GAL3ST1: variants seen among roughly 807,000 people sequenced by gnomAD.
The protein encoded by GAL3ST1 is galactose-3-O-sulfotransferase 1.
In GAL3ST1, 13 loss-of-function variants were observed where a neutral mutation model predicts 25.0. The observed-to-expected ratio is 0.52, with a 90% CI of 0.34 to 0.83. GAL3ST1 has a LOEUF of 0.83. Ranked by LOEUF, GAL3ST1 falls within the 40% of genes least tolerant of loss-of-function variation. The probability of loss-of-function intolerance (pLI) is 0.02; values close to 1 mark genes in which losing one functional copy is unlikely to be tolerated. For missense variants in GAL3ST1, 474 were observed against 613.6 expected (o/e 0.77, Z 2.40); for synonymous variants, 274 against 277.8 (o/e 0.99, Z 0.14).
chr22:30,570,192 G>A (rs2086738338), intron 1 of GAL3ST1, among the ~76,000 whole-genome samples: 1 of 152,240 alleles, frequency 6.6e-6, no homozygotes, highest in Admixed American at 6.5e-5. Flanking sequence ...AGGTGGTGGG[G>A]TGAGGTATCC....
intron 1 of GAL3ST1, among the ~76,000 whole-genome samples, chr22:30,569,910 C>T (rs1173022382): frequency 6.6e-6 from 1 of 152,148 alleles, no homozygotes; most frequent in Non-Finnish European, 1.5e-5. Flanking sequence ...CAGTGAGACC[C>T]CATCTGTATA....
At chr22:30,567,865 TAG>T (rs66493332) in intron 1 of GAL3ST1, among the ~76,000 whole-genome samples, 1,586 of 152,128 alleles carry the variant, frequency 0.01, 28 homozygotes, top group African/African-American at 0.035. Context: ...GTATTTTTAG[TAG>T]AGACAGGGTT....
intron 3 of GAL3ST1, 29 bp downstream of exon 3, chr22:30,557,233 C>A: frequency 6.2e-7 from 1 of 1,612,830 alleles, no homozygotes; most frequent in Non-Finnish European, 8.5e-7. Context: ...CCCACCTACA[C>A]CCATCATCTG....
chr22:30,570,452 G>C (rs2086747170), intron 1 of GAL3ST1, among the ~76,000 whole-genome samples: 1 of 152,190 alleles, frequency 6.6e-6, no homozygotes, highest in African/African-American at 2.4e-5. Flanking sequence ...TGCTCACAGA[G>C]CCTTTACCCC....
chr22:30,554,905 C>A lies in GAL3ST1; in HGVS notation c.*48G>T. 3 of 1,421,310 alleles carry A rather than the reference C, an allele frequency of 2.1e-6. No homozygotes were observed. The highest frequency in any genetic ancestry group is 2.4e-5 in the East Asian group (1 of 42,504). The allele number at this position is 1,421,310 out of a possible 1,614,324, so 88.0% of individuals were successfully genotyped here. ...CAGCACCAGCGGCGTCCTGCTCAGC[C>A]CCTCTGCAGGGAGCGAGCAGGCAGG... On this transcript the variant is annotated 3_prime_UTR_variant, in exon 4 of 4. Coordinates refer to ENST00000406361, the MANE Select transcript of GAL3ST1 (RefSeq NM_001318104.2).
rs1018106269 is a variant in GAL3ST1, at chr22:30,554,824, G to A, written c.*129C>T. The A allele has an allele frequency of 3.1e-5, 21 of 673,480 alleles. No homozygotes were observed. The highest frequency in any genetic ancestry group is 4.3e-5 in the Non-Finnish European group (18 of 419,230). 41.7% of individuals were successfully genotyped at this position (673,480 alleles called of 1,614,324 possible). ...GTCTTGGCTGGCTGCCTCCCCCCAG[G>A]GAGCCCCCCCTCACCCCGGGGTCTG... On this transcript the variant is annotated 3_prime_UTR_variant, in exon 4 of 4. Coordinates refer to ENST00000406361, the MANE Select transcript of GAL3ST1 (RefSeq NM_001318104.2).
At chr22:30,573,373 G>C (rs1258555174) in intron 1 of GAL3ST1, among the ~76,000 whole-genome samples, 1 of 152,206 alleles carries the variant, frequency 6.6e-6, no homozygotes, top group East Asian at 1.9e-4. Context: ...ACAAGTCATT[G>C]AATTTCCCTG....
rs180785924 is a variant in GAL3ST1, at chr22:30,557,014, C to T, written c.131+248G>A. 2.9e-3 allele frequency among the ~76,000 whole-genome samples: 436 copies of T among 152,338 alleles called. 1 individual carries two copies. The highest frequency in any genetic ancestry group is 0.01 in the Middle Eastern group (3 of 294). On this transcript the variant is annotated intron_variant, in intron 3 of 3. Coordinates refer to ENST00000406361, the MANE Select transcript of GAL3ST1 (RefSeq NM_001318104.2). Reference sequence around the variant, plus strand: ...CCTCCCAAAGTGCTAGGATTACAGGCGTGAGTTGCCGTGCCCAGCCGAAAG... The same window carrying T: ...CCTCCCAAAGTGCTAGGATTACAGGTGTGAGTTGCCGTGCCCAGCCGAAAG...
At chr22:30,571,029 G>A (rs1002401186) in intron 1 of GAL3ST1, among the ~76,000 whole-genome samples, 2 of 150,394 alleles carry the variant, frequency 1.3e-5, no homozygotes, top group Non-Finnish European at 2.9e-5. Context: ...TTACAAAACA[G>A]CTTATATTAC....
chr22:30,572,729 A>AC (rs1418201091), intron 1 of GAL3ST1: 3 of 152,264 alleles, frequency 2.0e-5, no homozygotes, highest in Non-Finnish European at 4.4e-5. Context: ...CCCCATGGGC[A>AC]CCTGTGTTCC....
Position 30,555,060 on chromosome 22 carries a change from G to A in GAL3ST1, c.1165C>T (p.Leu389Phe). Reference protein sequence around the residue: ...KKSIGQRHAQLCRRMLTPEIQ... With the variant: ...KKSIGQRHAQFCRRMLTPEIQ... ...TCGGGCGTGAGCATGCGCCGGCAGA[G>A]CTGCGCGTGCCGCTGCCCGATGCTC... Residue 389 changes from leucine to phenylalanine, a missense_variant, in exon 4 of 4, where the codon CTC becomes TTC. Leu to Phe is a conservative substitution (Grantham distance 22, BLOSUM62 0). This residue lies in a region of GAL3ST1 where 359 missense variants were observed against 504.4 expected (regional missense o/e 0.71). Transcript: ENST00000406361. The surrounding 1 kb of genome is among the most constrained non-coding windows in gnomAD (Gnocchi z 8.6). 6.2e-7 allele frequency: 1 copy of A among 1,612,442 alleles called. No homozygotes were observed. The highest frequency in any genetic ancestry group is 1.1e-5 in the South Asian group (1 of 91,058).
rs1373365239 is a variant in GAL3ST1 at position 30,555,339 on chromosome 22, G to A, written c.886C>T (p.Arg296Cys). Residue 296 changes from arginine to cysteine, a missense_variant, in exon 4 of 4, where the codon CGC (arginine) becomes TGC (cysteine). By Grantham distance (180) the Arg-to-Cys change is radical (BLOSUM62 -3). Around this residue, in one of 2 missense-constraint regions of GAL3ST1, gnomAD observed 359 missense variants for 504.4 expected, o/e 0.71. Coordinates refer to ENST00000406361, the MANE Select transcript of GAL3ST1 (RefSeq NM_001318104.2). The surrounding 1 kb of genome is among the most constrained non-coding windows in gnomAD (Gnocchi z 8.6). ...TCCAGCATGTTCCAGGCGGTGGCGCGCCCATACAGCTCCCCCGAGAGCCGC... is the reference window on the plus strand; with the variant it reads ...TCCAGCATGTTCCAGGCGGTGGCGCACCCATACAGCTCCCCCGAGAGCCGC... Reference protein sequence around the residue: ...VPRLSGELYGRATAWNMLDSH... With the variant: ...VPRLSGELYGCATAWNMLDSH... The A allele has an allele frequency of 2.5e-6, 4 of 1,607,242 alleles. No homozygotes were observed. Among genetic ancestry groups the A allele is most frequent in the South Asian group, 2.2e-5 (2 of 91,000 alleles).
In GAL3ST1 at chr22:30,555,215, G is replaced by A; in HGVS notation, c.1010C>T (p.Ala337Val). ...MAREVAALRH[A>V]NERMRTICID... Reference sequence around the variant, plus strand: ...GCAGATGGTCCGCATGCGCTCGTTGGCATGGCGCAGGGCGGCCACCTCGCG... The same window carrying A: ...GCAGATGGTCCGCATGCGCTCGTTGACATGGCGCAGGGCGGCCACCTCGCG... The change falls in exon 4 of 4, where the codon GCC becomes GTC. Residue 337 changes from alanine to valine, a missense_variant. Ala to Val is a moderately conservative substitution (Grantham distance 64, BLOSUM62 0). Around this residue, in one of 2 missense-constraint regions of GAL3ST1, gnomAD observed 359 missense variants for 504.4 expected, o/e 0.71. Transcript: ENST00000406361. This position sits in a 1 kb window ranked among gnomAD's most constrained non-coding sequence, Gnocchi z 8.6. 1 of 1,598,822 alleles carries A rather than the reference G, an allele frequency of 6.3e-7. No individual in the cohort carries two copies.
At position 30,554,964 on chromosome 22, in the gene GAL3ST1, G is replaced by T. The variant is rs2085900064; in HGVS notation, c.1261C>A (p.Leu421Met). 6.3e-7 allele frequency: 1 copy of T among 1,575,564 alleles called. No individual in the cohort carries two copies. Among genetic ancestry groups the T allele is most frequent in the African/African-American group, 1.3e-5 (1 of 74,302 alleles). The change falls in exon 4 of 4, where the codon CTG (leucine) becomes ATG (methionine). Residue 421 changes from leucine (L) to methionine (M), a missense_variant. Coordinates refer to ENST00000406361, the MANE Select transcript of GAL3ST1 (RefSeq NM_001318104.2). ...TGGGCGGTGGGACGTCACCACCGCAGGAAATCGCGAATGAACTTCCAGAGC... is the reference window on the plus strand; with the variant it reads ...TGGGCGGTGGGACGTCACCACCGCATGAAATCGCGAATGAACTTCCAGAGC... The part of the protein sequence containing the change: ...TKLWKFIRDF[L>M]RW
intron 1 of GAL3ST1, among the ~76,000 whole-genome samples, chr22:30,567,622 C>T (rs1569010466): frequency 6.6e-6 from 1 of 151,864 alleles, no homozygotes; most frequent in Non-Finnish European, 1.5e-5. Flanking sequence ...TTGCTTTTTT[C>T]CCACCTATCG....
chr22:30,559,944 A>G (rs563220341), intron 1 of GAL3ST1, among the ~76,000 whole-genome samples: 1 of 152,354 alleles, frequency 6.6e-6, no homozygotes, highest in African/African-American at 2.4e-5. Context: ...ACATGTGCTA[A>G]TAACTACATG....
chr22:30,570,995 C>CACAT (rs1228020320), intron 1 of GAL3ST1, among the ~76,000 whole-genome samples: 1 of 151,962 alleles, frequency 6.6e-6, no homozygotes, highest in East Asian at 1.9e-4. Flanking sequence ...CACACACACA[C>CACAT]ACACACACAC....
intron 3 of GAL3ST1, among the ~76,000 whole-genome samples, chr22:30,556,534 G>GCC (rs2086038515): frequency 6.6e-6 from 1 of 152,198 alleles, no homozygotes; most frequent in Non-Finnish European, 1.5e-5. Flanking sequence ...GTGCAGAGCA[G>GCC]CCCCATGAGG....
At chr22:30,564,692 C>T (rs1381246200) in intron 1 of GAL3ST1, 1 of 152,302 alleles carries the variant, frequency 6.6e-6, no homozygotes, top group Non-Finnish European at 1.5e-5. Context: ...GACTTATTCC[C>T]CCACATCATG....
Sources: allele counts gnomAD v4.1 joint callset (sites outside exome capture counted in the v4.1 genomes callset), GRCh38; gene constraint gnomAD v4.1.1; regional missense constraint gnomAD v4.1.1; non-coding constraint Gnocchi (gnomAD v3.1); transcripts MANE v1.5; gene names NCBI Gene and HGNC (gene_info 2026-07-23, HGNC 2026-07-21).